RBFOX1: variants seen among roughly 807,000 people sequenced by gnomAD.
RBFOX1 encodes RNA binding fox-1 homolog 1, also known as RNA binding protein fox-1 homolog 1.
In RBFOX1, 8 loss-of-function variants were observed where a neutral mutation model predicts 57.7. The ratio of observed to expected loss-of-function variants is 0.14; its 90% CI spans 0.08 to 0.25. RBFOX1 has a LOEUF of 0.25. Among genes scored for constraint, RBFOX1 ranks in the 10% least tolerant of loss-of-function variants. RBFOX1 has a pLI of 1.00. For synonymous variants in RBFOX1, 326 were observed against 222.4 expected, an observed-to-expected ratio of 1.47 and a Z score of -4.15; for missense variants, 611 against 548.5, an observed-to-expected ratio of 1.11 and a Z score of -1.14.
intron 1 of RBFOX1, among the ~76,000 whole-genome samples, chr16:6,130,358 A>T (rs571489825): frequency 1.3e-5 from 2 of 152,262 alleles, no homozygotes; most frequent in African/African-American, 4.8e-5. Flanking sequence ...TTATGGATAC[A>T]TATTGTTTAT....
At chr16:6,392,148 A>C (rs2092632924) in intron 2 of RBFOX1, among the ~76,000 whole-genome samples, 1 of 152,172 alleles carries the variant, frequency 6.6e-6, no homozygotes, top group Admixed American at 6.5e-5. Context: ...AACTGGGGTG[A>C]ATGTCCTAAA....
intron 4 of RBFOX1, among the ~76,000 whole-genome samples, chr16:7,401,018 G>A (rs2098233353): frequency 6.6e-6 from 1 of 152,216 alleles, no homozygotes; most frequent in Admixed American, 6.5e-5. Context: ...AGGGACAGAA[G>A]TATGATATAT....
At position 5,421,551 on chromosome 16, in the gene RBFOX1, C is replaced by T. The variant is rs1438118441; in HGVS notation, c.220-45665C>T. Reference sequence around the variant, plus strand: ...CTTGGCCCTGAGGAGGTAAGGGAAGCCCTGCAGGGGGACTCGAGTGAGGCT... The same window carrying T: ...CTTGGCCCTGAGGAGGTAAGGGAAGTCCTGCAGGGGGACTCGAGTGAGGCT... On this transcript the variant is annotated intron_variant, in intron 1 of 2. Coordinates refer to the RBFOX1 transcript ENST00000585867. 4.6e-5 allele frequency among the ~76,000 whole-genome samples: 7 copies of T among 152,070 alleles called. No individual in the cohort carries two copies. In the East Asian group the frequency reaches 1.4e-3, roughly 29 times the overall value.
At chr16:6,270,902 C>T (rs1487610228) in intron 1 of RBFOX1, among the ~76,000 whole-genome samples, 2 of 152,182 alleles carry the variant, frequency 1.3e-5, no homozygotes, top group African/African-American at 2.4e-5. Context: ...ACAGGAGAAT[C>T]TGCAAACATT....
intron 1 of RBFOX1, among the ~76,000 whole-genome samples, chr16:6,159,927 G>T (rs981369669): frequency 2.0e-5 from 3 of 152,200 alleles, no homozygotes; most frequent in African/African-American, 7.2e-5. Context: ...GCCTTAAGGT[G>T]CTTTAATAAC....
At chr16:5,247,066 C>G (rs965272098) in intron 1 of RBFOX1, among the ~76,000 whole-genome samples, 1 of 152,196 alleles carries the variant, frequency 6.6e-6, no homozygotes, top group Non-Finnish European at 1.5e-5. Flanking sequence ...ATCCTCCAGG[C>G]TCATCCATGT....
At chr16:6,628,984 T>G (rs1167877985) in intron 2 of RBFOX1, among the ~76,000 whole-genome samples, 1 of 152,130 alleles carries the variant, frequency 6.6e-6, no homozygotes, top group Non-Finnish European at 1.5e-5. Context: ...GAGCCGAGAT[T>G]GCACCACTGC....
intron 1 of RBFOX1, among the ~76,000 whole-genome samples, chr16:6,105,678 G>GAA (rs569925743): frequency 2.0e-4 from 29 of 147,762 alleles, no homozygotes; most frequent in Admixed American, 6.0e-4. Context: ...TTGGAAAGTA[G>GAA]AAAAAAAATA....
intron 3 of RBFOX1, among the ~76,000 whole-genome samples, chr16:6,898,709 A>G (rs968328754): frequency 6.6e-6 from 1 of 150,870 alleles, no homozygotes; most frequent in African/African-American, 2.5e-5. Context: ...TGTGTCTATA[A>G]TATATGTGTG....
At chr16:5,579,336 A>C (rs190859223) in intron 2 of RBFOX1, among the ~76,000 whole-genome samples, 20 of 152,110 alleles carry the variant, frequency 1.3e-4, no homozygotes, top group African/African-American at 4.6e-4. Flanking sequence ...AGTCCTAGGA[A>C]ATCTACTTCC....
Position 7,334,990 on chromosome 16 carries a change from C to G in RBFOX1, c.28-183157C>G, listed in dbSNP as rs923486525. The stretch of plus-strand genomic sequence containing the variant: ...TATGTGTTATCTCCTTTCTTTCTCA[C>G]TGCTGTGGAATGCACTGGAAAGCTA... On this transcript the variant is annotated intron_variant, in intron 4 of 15. Coordinates refer to ENST00000550418, the MANE Select transcript of RBFOX1 (RefSeq NM_018723.4). Among the ~76,000 whole-genome samples the G allele has an allele frequency of 2.0e-5, 3 of 152,242 alleles. No individual in the cohort carries two copies. The South Asian group carries it at 6.2e-4, about 32-fold the overall frequency.
rs992241499 is a variant in RBFOX1 at position 5,909,088 on chromosome 16, C to T, written c.351+41753C>T. On this transcript the variant is annotated intron_variant, in intron 4 of 19. Coordinates refer to the RBFOX1 transcript ENST00000641259. ...ATATCGGCTCCAACAGACTAAGCCC[C>T]CCTTTTTTTTTTTTTTTTTTTTGAG... 2.0e-3 allele frequency among the ~76,000 whole-genome samples: 153 copies of T among 77,636 alleles called. 1 individual carries two copies. The highest frequency in any genetic ancestry group is 0.011 in the Middle Eastern group (1 of 92). 50.9% of individuals were successfully genotyped at this position (77,636 alleles called of 152,430 possible). A position where few individuals can be genotyped will look rare whatever the true frequency, so the allele number is the denominator to read the frequency against.
At chr16:5,972,606 G>A (rs1021715450) in intron 4 of RBFOX1, among the ~76,000 whole-genome samples, 1 of 152,220 alleles carries the variant, frequency 6.6e-6, no homozygotes, top group East Asian at 1.9e-4. Context: ...GGAATAATTG[G>A]TTGCGGGCAA....
chr16:7,068,400 A>T (rs76873984), intron 4 of RBFOX1, among the ~76,000 whole-genome samples: 2,896 of 152,224 alleles, frequency 0.019, 102 homozygotes, highest in African/African-American at 0.065. Flanking sequence ...GAGCATTCAG[A>T]ACTACCATCC....
At chr16:5,500,901 T>C (rs1042735764) in intron 2 of RBFOX1, among the ~76,000 whole-genome samples, 5 of 152,194 alleles carry the variant, frequency 3.3e-5, no homozygotes, top group Admixed American at 2.6e-4. Flanking sequence ...TCCAGAGAGA[T>C]GTCATGTAAG....
intron 3 of RBFOX1, among the ~76,000 whole-genome samples, chr16:6,966,439 C>T (rs978014430): frequency 2.4e-4 from 36 of 152,004 alleles, no homozygotes; most frequent in Admixed American, 1.7e-3. Context: ...GGTCCCTGGG[C>T]GAGGTGGAGG....
intron 1 of RBFOX1, among the ~76,000 whole-genome samples, chr16:5,377,577 G>GAA (rs2066018374): frequency 7.6e-6 from 1 of 132,056 alleles, no homozygotes; most frequent in Non-Finnish European, 1.6e-5. Context: ...AGGAAAGAGA[G>GAA]GAGATGGGGG....
At chr16:6,729,487 T>A (rs1398657785) in intron 3 of RBFOX1, among the ~76,000 whole-genome samples, 1 of 152,142 alleles carries the variant, frequency 6.6e-6, no homozygotes, top group Non-Finnish European at 1.5e-5. Flanking sequence ...TCCATTAAAA[T>A]GTTTTAAAGT....
chr16:5,388,783 G>T (rs2066323534), intron 1 of RBFOX1, among the ~76,000 whole-genome samples: 1 of 151,870 alleles, frequency 6.6e-6, no homozygotes, highest in Non-Finnish European at 1.5e-5. Flanking sequence ...CACCATATTG[G>T]TCAGGCTGGT....
Sources: gnomAD v4.1 joint callset for allele counts (sites outside exome capture counted in the v4.1 genomes callset) on GRCh38, gnomAD v4.1.1 for gene constraint, MANE v1.5 for transcripts, NCBI Gene and HGNC (gene_info 2026-07-23, HGNC 2026-07-21) for gene names.